Variants in XYLB observed in about 807,000 individuals in gnomAD.
The protein encoded by XYLB is xylulose kinase.
A neutral mutation model predicts 78.7 loss-of-function variants in XYLB; 62 were observed. The ratio of observed to expected loss-of-function variants is 0.79; its 90% confidence interval spans 0.64 to 0.97. The LOEUF (loss-of-function observed/expected upper bound fraction) is 0.97. Ranked by LOEUF, XYLB falls within the 50% of genes least tolerant of loss-of-function variation. The pLI is 0.00. For missense variants in XYLB, 687 were observed against 676.8 expected (o/e 1.02, Z -0.17); for synonymous variants, 245 against 247.4 (o/e 0.99, Z 0.09).
At position 38,348,536 on chromosome 3, in the gene XYLB, A is replaced by T; in HGVS notation, c.58-14A>T. The T allele has an allele frequency of 6.2e-7, 1 of 1,613,788 alleles. No homozygotes were observed. On this transcript the variant is annotated splice_polypyrimidine_tract_variant and intron_variant, in intron 1 of 18. Transcript: ENST00000207870. ...AGGAAAATTCTACACTTCCTTTTTT[A>T]AAATGCCTTTCAGGTAAAGGTTGTT...
At chr3:38,436,512 C>T in the XYLB span, among the ~76,000 whole-genome samples, 1 of 152,078 alleles carries the variant, frequency 6.6e-6, no homozygotes, top group Non-Finnish European at 1.5e-5. Context: ...AATACCAACC[C>T]TCCTAAAAAC....
In XYLB at chr3:38,379,239, G is replaced by A; in HGVS notation, c.1195-7G>A. On this transcript the variant is annotated splice_polypyrimidine_tract_variant and splice_region_variant and intron_variant, in intron 14 of 18. Coordinates refer to ENST00000207870, the MANE Select transcript of XYLB (RefSeq NM_005108.4). ...CTTACTCTGTGCCCACCTTTTCCTG[G>A]AGACAGGTTGCAGCATTCCCTGGGG... 1.2e-6 allele frequency: 2 copies of A among 1,614,036 alleles called. No individual in the cohort carries two copies. Among genetic ancestry groups the A allele is most frequent in the Non-Finnish European group, 1.7e-6 (2 of 1,179,988 alleles).
chr3:38,440,802 A>ATC, the XYLB span, among the ~76,000 whole-genome samples: 2 of 150,648 alleles, frequency 1.3e-5, no homozygotes, highest in African/African-American at 2.4e-5. Context: ...TACTACTTCT[A>ATC]TCTCTCTCTC....
chr3:38,403,839 A>G (rs1366684073), intron 18 of XYLB, among the ~76,000 whole-genome samples: 2 of 152,074 alleles, frequency 1.3e-5, no homozygotes, highest in African/African-American at 2.4e-5. Flanking sequence ...TGGCCTGCCC[A>G]TGGCCGAAAT....
chr3:38,370,234 T>A, intron 9 of XYLB, 60 bp downstream of exon 9: 1 of 441,606 alleles, frequency 2.3e-6, no homozygotes, highest in Non-Finnish European at 4.1e-6. Context: ...AGGGAAGCAC[T>A]GTAGCGCACA....
the XYLB span, among the ~76,000 whole-genome samples, chr3:38,440,145 C>A: frequency 1.3e-5 from 2 of 152,204 alleles, no homozygotes; most frequent in Admixed American, 6.5e-5. Context: ...CACTGACAGA[C>A]TTCAGCTTTG....
chr3:38,429,973 G>A, the XYLB span, among the ~76,000 whole-genome samples: 1 of 152,140 alleles, frequency 6.6e-6, no homozygotes, highest in African/African-American at 2.4e-5. Context: ...ACATTTGGTT[G>A]GTTCCAAGTC....
chr3:38,435,494 T>A, the XYLB span, among the ~76,000 whole-genome samples: 1 of 152,196 alleles, frequency 6.6e-6, no homozygotes, highest in East Asian at 1.9e-4. Flanking sequence ...ACAATCATAG[T>A]GGGGGACTTC....
the XYLB span, among the ~76,000 whole-genome samples, chr3:38,426,682 G>A: frequency 2.0e-5 from 3 of 152,192 alleles, no homozygotes; most frequent in Admixed American, 1.3e-4. Flanking sequence ...TGTGGATCGC[G>A]AATCCTGCGA....
chr3:38,376,668 C>T (rs537184077), intron 13 of XYLB, among the ~76,000 whole-genome samples: 1 of 152,348 alleles, frequency 6.6e-6, no homozygotes, highest in Admixed American at 6.5e-5. Flanking sequence ...TGGGCAGCTG[C>T]TTCCTATTCC....
intron 7 of XYLB, among the ~76,000 whole-genome samples, chr3:38,367,372 G>A (rs1706320999): frequency 6.6e-6 from 1 of 152,226 alleles, no homozygotes. Flanking sequence ...GCCAGCACTT[G>A]TTGCTGCCTG....
chr3:38,405,992 C>T (rs530505311), intron 18 of XYLB, among the ~76,000 whole-genome samples: 1 of 152,364 alleles, frequency 6.6e-6, no homozygotes, highest in South Asian at 2.1e-4. Context: ...GTAACCTCTG[C>T]AGTGTTAAAT....
chr3:38,397,307 C>A, intron 17 of XYLB, 148 bp downstream of exon 17: 1 of 719,960 alleles, frequency 1.4e-6, no homozygotes, highest in Admixed American at 2.2e-5. Context: ...TAGCTCCCAG[C>A]AGGTGAGAAC....
intron 2 of XYLB, 109 bp downstream of exon 2, chr3:38,348,741 G>A: frequency 2.0e-6 from 2 of 982,590 alleles, no homozygotes; most frequent in Non-Finnish European, 1.6e-6. Context: ...AAATACAGGA[G>A]TGGTGGTCTC....
chr3:38,376,974 A>G lies in XYLB; in HGVS notation c.1177A>G (p.Asn393Asp). The G allele has an allele frequency of 1.2e-6, 2 of 1,614,032 alleles. No individual in the cohort carries two copies. Among genetic ancestry groups the G allele is most frequent in the Non-Finnish European group, 1.7e-6 (2 of 1,179,924 alleles). Reference sequence around the variant, plus strand: ...TGAAATTATTGGACGTCATAGGTTTAACACAGAAAACCACAAGGTACATGT... The same window carrying G: ...TGAAATTATTGGACGTCATAGGTTTGACACAGAAAACCACAAGGTACATGT... ...TPEIIGRHRFNTENHKVAAFP... is the reference protein window; with the variant it reads ...TPEIIGRHRFDTENHKVAAFP... The change falls in exon 14 of 19, where the codon AAC becomes GAC. Residue 393 changes from asparagine (N) to aspartate (D), a missense_variant. Coordinates refer to ENST00000207870, the MANE Select transcript of XYLB (RefSeq NM_005108.4).
the XYLB span, among the ~76,000 whole-genome samples, chr3:38,449,727 T>G: frequency 2.6e-5 from 4 of 152,254 alleles, no homozygotes; most frequent in Admixed American, 2.0e-4. Flanking sequence ...GCCCTCTTAG[T>G]CTGTGTCCCT....
chr3:38,433,390 A>G, the XYLB span, among the ~76,000 whole-genome samples: 2 of 152,228 alleles, frequency 1.3e-5, no homozygotes, highest in Admixed American at 1.3e-4. Context: ...GGTGATTAAC[A>G]TTTGGCTCCT....
At chr3:38,350,866 G>A (rs1384732296) in intron 2 of XYLB, among the ~76,000 whole-genome samples, 2 of 151,888 alleles carry the variant, frequency 1.3e-5, no homozygotes, top group East Asian at 3.9e-4. Flanking sequence ...TTTAGGCTGG[G>A]TACAGTGGCT....
chr3:38,418,170 G>A (rs1382424679), downstream of XYLB, among the ~76,000 whole-genome samples: 2 of 147,340 alleles, frequency 1.4e-5, no homozygotes, highest in Admixed American at 1.4e-4. Flanking sequence ...ACTCCAGCCT[G>A]GGTGACAGAG....
Sources: gnomAD v4.1 joint callset for allele counts (sites outside exome capture counted in the v4.1 genomes callset) on GRCh38, gnomAD v4.1.1 for gene constraint, MANE v1.5 for transcripts, NCBI Gene and HGNC (gene_info 2026-07-23, HGNC 2026-07-21) for gene names.